Variants in TXNRD1 observed in about 807,000 individuals in gnomAD.
TXNRD1 encodes thioredoxin reductase 1, also known as thioredoxin reductase 1, cytoplasmic.
TXNRD1 carries 57 observed loss-of-function variants against 80.3 expected under a neutral mutation model. The ratio of observed to expected loss-of-function variants is 0.71; its 90% CI spans 0.57 to 0.89. The LOEUF (loss-of-function observed/expected upper bound fraction) is 0.89, where lower values mean the gene tolerates loss of function less well. Ranked by LOEUF, TXNRD1 falls within the 40% of genes least tolerant of loss-of-function variation. The probability of loss-of-function intolerance (pLI) is 0.00; values close to 1 mark genes in which losing one functional copy is unlikely to be tolerated. For missense variants in TXNRD1, 730 were observed against 803.0 expected (o/e 0.91, Z 1.10); for synonymous variants, 291 against 285.2 (o/e 1.02, Z -0.20).
At chr12:104,296,571 G>C (rs183768093) in intron 4 of TXNRD1, among the ~76,000 whole-genome samples, 1 of 152,148 alleles carries the variant, frequency 6.6e-6, no homozygotes, top group African/African-American at 2.4e-5. Context: ...ACCACACCTG[G>C]CCAATTTTTA....
intron 4 of TXNRD1, chr12:104,305,147 G>A: frequency 2.1e-6 from 1 of 484,508 alleles, no homozygotes; most frequent in Non-Finnish European, 3.5e-6. Context: ...CATATTTATG[G>A]GAACGTTTTA....
At chr12:104,303,783 C>G (rs61937909) in intron 4 of TXNRD1, 7 of 1,274,320 alleles carry the variant, frequency 5.5e-6, no homozygotes, top group Non-Finnish European at 1.0e-6. Flanking sequence ...TTTCCACACG[C>G]TGGGAGGGCC....
chr12:104,287,155 G>A (rs923339894), intron 3 of TXNRD1: 99 of 1,556,128 alleles, frequency 6.4e-5, no homozygotes, highest in Middle Eastern at 2.4e-4. Flanking sequence ...CGAGCCCAGG[G>A]ATGGGAGCAC....
At position 104,218,275 on chromosome 12, in the gene TXNRD1, C is replaced by T. The variant is rs145379329; in HGVS notation, c.91+2382C>T. Among the ~76,000 whole-genome samples, 375 of 152,270 alleles carry T rather than the reference C, an allele frequency of 2.5e-3. 3 individuals are homozygous for T. The highest frequency in any genetic ancestry group is 8.4e-3 in the African/African-American group (348 of 41,562). On this transcript the variant is annotated intron_variant, in intron 1 of 16. Coordinates refer to ENST00000525566, the MANE Select transcript of TXNRD1 (RefSeq NM_001093771.3). ...TCTTGACCTCGTGATCTTCCCGCCT[C>T]AGCCTCCCAAAGTGCTGGGATTACA...
chr12:104,246,591 C>T (rs1356461209), intron 1 of TXNRD1, among the ~76,000 whole-genome samples: 5 of 148,026 alleles, frequency 3.4e-5, no homozygotes, highest in Non-Finnish European at 7.4e-5. Context: ...GGTGCGATCT[C>T]GGTTCACTGC....
chr12:104,275,628 C>T (rs2033742056), intron 3 of TXNRD1, among the ~76,000 whole-genome samples: 2 of 152,110 alleles, frequency 1.3e-5, no homozygotes, highest in Non-Finnish European at 2.9e-5. Flanking sequence ...GGTAATCCAC[C>T]GGCCTTAGCC....
intron 1 of TXNRD1, among the ~76,000 whole-genome samples, chr12:104,243,594 G>A (rs1328980636): frequency 6.6e-6 from 1 of 152,196 alleles, no homozygotes; most frequent in East Asian, 1.9e-4. Flanking sequence ...AGCTTGAACT[G>A]AATGAGTTTT....
chr12:104,342,530 G>A (rs900496209), intron 16 of TXNRD1, among the ~76,000 whole-genome samples: 2 of 152,216 alleles, frequency 1.3e-5, no homozygotes, highest in Admixed American at 6.5e-5. Context: ...CAATGTGTGA[G>A]TGTTAGCTAG....
At chr12:104,304,963 GTGTT>G (rs1224703178) in intron 4 of TXNRD1, 1 of 1,535,618 alleles carries the variant, frequency 6.5e-7, no homozygotes, top group Non-Finnish European at 8.7e-7. Context: ...CATCCTTTTT[GTGTT>G]TTTTTTCTGA....
At position 104,295,846 on chromosome 12, in the gene TXNRD1, T is replaced by C. The variant is rs116426021; in HGVS notation, c.414+6806T>C. Among the ~76,000 whole-genome samples, 454 of 152,364 alleles carry C rather than the reference T, an allele frequency of 3.0e-3. 4 individuals carry two copies. The highest frequency in any genetic ancestry group is 0.011 in the African/African-American group (448 of 41,586). On this transcript the variant is annotated intron_variant, in intron 4 of 16. Transcript: ENST00000525566. ...GTCAGAGAGCTAGTCTTATTCTTTATGCCTGTGGTCCCAGGCATATGTTAG... is the reference window on the plus strand; with the variant it reads ...GTCAGAGAGCTAGTCTTATTCTTTACGCCTGTGGTCCCAGGCATATGTTAG...
At chr12:104,304,081 C>A in intron 4 of TXNRD1, 1 of 1,613,978 alleles carries the variant, frequency 6.2e-7, no homozygotes, top group East Asian at 2.2e-5. Context: ...AGCTCATGTA[C>A]TGCGTGCGGC....
At chr12:104,232,405 A>C (rs2135684675) in intron 1 of TXNRD1, among the ~76,000 whole-genome samples, 1 of 152,258 alleles carries the variant, frequency 6.6e-6, no homozygotes, top group South Asian at 2.1e-4. Context: ...TCTACTAAAA[A>C]TACAAAAATT....
chr12:104,224,796 C>T (rs1331588862), intron 1 of TXNRD1: 1 of 455,766 alleles, frequency 2.2e-6, no homozygotes, highest in East Asian at 6.9e-5. Flanking sequence ...ATTTTCTCCC[C>T]CACTGTTTGA....
intron 1 of TXNRD1, among the ~76,000 whole-genome samples, chr12:104,220,854 A>G (rs1197162322): frequency 6.6e-6 from 1 of 152,198 alleles, no homozygotes; most frequent in Admixed American, 6.5e-5. Flanking sequence ...ACATCAGGGA[A>G]TATTTCATGA....
chr12:104,251,342 C>T (rs1378609888), intron 1 of TXNRD1, among the ~76,000 whole-genome samples, 185 bp from the exon 2 acceptor site: 1 of 152,156 alleles, frequency 6.6e-6, no homozygotes, highest in African/African-American at 2.4e-5. Context: ...AATAATATGT[C>T]AGAGGTTCCA....
chr12:104,310,032 A>G (rs879562839), intron 4 of TXNRD1: 255 of 1,535,922 alleles, frequency 1.7e-4, no homozygotes, highest in Non-Finnish European at 2.1e-4. Context: ...TCTTCCGCTG[A>G]CCCCAAGCTC....
intron 16 of TXNRD1, among the ~76,000 whole-genome samples, chr12:104,340,749 T>G: frequency 6.6e-6 from 1 of 152,202 alleles, no homozygotes; most frequent in East Asian, 1.9e-4. Context: ...TTCACTTGAT[T>G]ACATCTGCAA....
chr12:104,323,481 G>A (rs1157592468), intron 10 of TXNRD1, among the ~76,000 whole-genome samples: 46 of 147,616 alleles, frequency 3.1e-4, no homozygotes, highest in African/African-American at 9.5e-4. Flanking sequence ...GGGGCGGCCG[G>A]GCAGAGGCGC....
At chr12:104,347,501 C>T (rs1309261373) in intron 16 of TXNRD1, among the ~76,000 whole-genome samples, 1 of 152,180 alleles carries the variant, frequency 6.6e-6, no homozygotes, top group African/African-American at 2.4e-5. Flanking sequence ...TTGTTAGTCA[C>T]TGCAAATGAG....
Sources: gnomAD v4.1 joint callset for allele counts (sites outside exome capture counted in the v4.1 genomes callset) on GRCh38, gnomAD v4.1.1 for gene constraint, MANE v1.5 for transcripts, NCBI Gene and HGNC (gene_info 2026-07-23, HGNC 2026-07-21) for gene names.